The following CCDC25 variants were observed in gnomAD, a reference collection of about 807,000 sequenced individuals.
CCDC25 encodes coiled-coil domain-containing protein 25.
A neutral mutation model predicts 35.3 loss-of-function variants in CCDC25; 16 were observed. The ratio of observed to expected loss-of-function variants is 0.45; its 90% CI spans 0.31 to 0.69. The LOEUF (loss-of-function observed/expected upper bound fraction) is 0.69. Ranked by LOEUF, CCDC25 falls within the 30% of genes least tolerant of loss-of-function variation. The pLI is 0.06. For missense variants in CCDC25, 179 were observed against 250.7 expected (o/e 0.71, Z 1.93); for synonymous variants, 79 against 80.3 (o/e 0.98, Z 0.09).
chr8:27,772,566 C>T lies in CCDC25; in HGVS notation c.-26G>A. 2 of 1,548,192 alleles carry T rather than the reference C, an allele frequency of 1.3e-6. No individual in the cohort carries two copies. The highest frequency in any genetic ancestry group is 1.7e-6 in the Non-Finnish European group (2 of 1,145,994). On this transcript the variant is annotated 5_prime_UTR_variant, in exon 1 of 9. Coordinates refer to ENST00000356537, the MANE Select transcript of CCDC25 (RefSeq NM_018246.3). ...GATCCCGGGAGCGGTGCGGTGACTC[C>T]ACCGCGGAGCAGCAGCGCTCAACTC...
chr8:27,766,944 A>C (rs532320285), intron 1 of CCDC25, among the ~76,000 whole-genome samples: 5 of 150,498 alleles, frequency 3.3e-5, no homozygotes, highest in African/African-American at 1.2e-4. Context: ...ATACACATAC[A>C]TGTTTTATTT....
chr8:27,738,463 C>A (rs545649650), intron 8 of CCDC25, among the ~76,000 whole-genome samples: 1 of 152,092 alleles, frequency 6.6e-6, no homozygotes. Context: ...ACAGGGGTTG[C>A]AAGCAACAGA....
At chr8:27,761,117 G>A (rs1282703040) in intron 3 of CCDC25, among the ~76,000 whole-genome samples, 5 of 151,344 alleles carry the variant, frequency 3.3e-5, no homozygotes, top group South Asian at 2.1e-4. Flanking sequence ...CAACAAGGGC[G>A]AAACTCCGTC....
In CCDC25 at chr8:27,736,171, C is replaced by T; in HGVS notation, c.*45G>A. ...ATGAAACCAAAAGGTCTGCAATTGTCTCTACATTCACATCTTTCAAAGGTC... is the reference window on the plus strand; with the variant it reads ...ATGAAACCAAAAGGTCTGCAATTGTTTCTACATTCACATCTTTCAAAGGTC... On this transcript the variant is annotated 3_prime_UTR_variant, in exon 9 of 9. Transcript: ENST00000356537. 1 of 1,587,360 alleles carries T rather than the reference C, an allele frequency of 6.3e-7. No individual in the cohort carries two copies. The highest frequency in any genetic ancestry group is 1.4e-5 in the African/African-American group (1 of 73,686).
chr8:27,747,805 C>G (rs541168099), intron 7 of CCDC25: 3 of 406,820 alleles, frequency 7.4e-6, no homozygotes, highest in Non-Finnish European at 1.3e-5. Flanking sequence ...CCAAACCAAA[C>G]TAGGGATAAC....
intron 7 of CCDC25, 146 bp downstream of exon 7, chr8:27,747,931 A>T (rs1803658203): frequency 2.6e-6 from 2 of 759,806 alleles, no homozygotes; most frequent in Non-Finnish European, 4.2e-6. Context: ...GCCTTTTTTT[A>T]AAAAACTGAT....
chr8:27,770,884 C>G (rs758041779), intron 1 of CCDC25, among the ~76,000 whole-genome samples: 6 of 152,158 alleles, frequency 3.9e-5, no homozygotes, highest in Non-Finnish European at 8.8e-5. Flanking sequence ...ACTAACCAGT[C>G]ACTACGTTAG....
At chr8:27,762,562 T>C (rs1285656911) in intron 2 of CCDC25, 104 bp from the exon 3 acceptor site, 2 of 943,050 alleles carry the variant, frequency 2.1e-6, no homozygotes, top group Non-Finnish European at 3.3e-6. Context: ...CAAATTTCTC[T>C]CTCCCTCAAT....
In CCDC25 at chr8:27,747,938, T is replaced by C. The variant is rs182897643; in HGVS notation, c.551+139A>G. On this transcript the variant is annotated intron_variant, in intron 7 of 8. Transcript: ENST00000356537. ...ATATAAATGCCTTTTTTTAAAAAAC[T>C]GATTTAAGGTTGAGCTTAAGCTGAG... 133 of 792,448 alleles carry C rather than the reference T, an allele frequency of 1.7e-4. No individual in the cohort carries two copies. In the Admixed American group the frequency reaches 3.6e-3, roughly 21 times the overall value. The allele number at this position is 792,448 out of a possible 1,614,324, so 49.1% of individuals were successfully genotyped here.
In CCDC25 at chr8:27,733,481, A is replaced by C. The variant is rs367728746; in HGVS notation, c.*2735T>G. 1 of 152,236 alleles carries C rather than the reference A, an allele frequency of 6.6e-6. No homozygotes were observed. The highest frequency in any genetic ancestry group is 1.5e-5 in the Non-Finnish European group (1 of 68,038). The allele number at this position is 152,236 out of a possible 1,614,324, so 9.4% of individuals were successfully genotyped here. A position where few individuals can be genotyped will look rare whatever the true frequency, so the allele number is the denominator to read the frequency against. ...GCCCGGCAGGAAGGAGCTCTCACGA[A>C]GTGCCAGCTGGATGTGAGCTTGCTC... is the stretch of plus-strand genomic sequence containing the variant. On this transcript the variant is annotated 3_prime_UTR_variant, in exon 9 of 9. Transcript: ENST00000356537.
chr8:27,772,183 T>C, intron 1 of CCDC25: 1 of 437,914 alleles, frequency 2.3e-6, no homozygotes, highest in South Asian at 3.3e-5. Context: ...GGAAGAAGAC[T>C]TGGGATAAGG....
At chr8:27,759,537 A>T (rs1804140634) in intron 3 of CCDC25, among the ~76,000 whole-genome samples, 1 of 145,988 alleles carries the variant, frequency 6.8e-6, no homozygotes, top group Non-Finnish European at 1.5e-5. Context: ...TGAACCCGGG[A>T]GGTGGAGGTT....
Position 27,736,210 on chromosome 8 carries a change from C to T in CCDC25, c.*6G>A. 6.2e-7 allele frequency: 1 copy of T among 1,608,894 alleles called. No individual in the cohort carries two copies. Among genetic ancestry groups the T allele is most frequent in the Non-Finnish European group, 8.5e-7 (1 of 1,178,134 alleles). On this transcript the variant is annotated 3_prime_UTR_variant, in exon 9 of 9. Coordinates refer to ENST00000356537, the MANE Select transcript of CCDC25 (RefSeq NM_018246.3). ...CTTTCAAAGGTCCTTTTCTCCTTTT[C>T]TCCTTTTACATGAATTCATCTGAAT...
intron 5 of CCDC25, among the ~76,000 whole-genome samples, chr8:27,751,630 C>T (rs1020916252): frequency 2.6e-5 from 4 of 152,208 alleles, no homozygotes; most frequent in African/African-American, 9.6e-5. Flanking sequence ...AGCATCCCTT[C>T]ACTCCATCTC....
At chr8:27,748,633 G>T in intron 5 of CCDC25, 35 bp from the exon 6 acceptor site, 1 of 1,470,386 alleles carries the variant, frequency 6.8e-7, no homozygotes, top group Non-Finnish European at 9.5e-7. Context: ...ATGCAGGCAG[G>T]ATGAGACTGA....
At chr8:27,763,820 T>C (rs559118432) in intron 2 of CCDC25, among the ~76,000 whole-genome samples, 11 of 152,158 alleles carry the variant, frequency 7.2e-5, no homozygotes, top group African/African-American at 2.7e-4. Flanking sequence ...GTATTTACCA[T>C]CCAGAAAAGG....
intron 1 of CCDC25, among the ~76,000 whole-genome samples, chr8:27,770,750 A>C (rs1394743555): frequency 6.6e-6 from 1 of 152,016 alleles, no homozygotes; most frequent in Non-Finnish European, 1.5e-5. Flanking sequence ...CAAAAAAAAA[A>C]AAAACAAAAA....
intron 4 of CCDC25, 111 bp downstream of exon 4, chr8:27,756,608 A>G (rs1804012159): frequency 1.4e-6 from 1 of 717,556 alleles, no homozygotes; most frequent in South Asian, 1.7e-5. Context: ...GTTAACTTTT[A>G]GATTTGCGTA....
chr8:27,766,416 G>A (rs184879264), intron 1 of CCDC25, among the ~76,000 whole-genome samples: 22 of 152,122 alleles, frequency 1.4e-4, no homozygotes, highest in Admixed American at 2.6e-4. Flanking sequence ...TGCCTTTCTC[G>A]GGGGAGAGAA....
Sources: gnomAD v4.1 joint callset for allele counts (sites outside exome capture counted in the v4.1 genomes callset) on GRCh38, gnomAD v4.1.1 for gene constraint, MANE v1.5 for transcripts, NCBI Gene and HGNC (gene_info 2026-07-23, HGNC 2026-07-21) for gene names.